NUP188: variants seen among roughly 807,000 people sequenced by gnomAD.
NUP188 encodes the protein nucleoporin 188.
A neutral mutation model predicts 223.0 loss-of-function variants in NUP188; 97 were observed. The ratio of observed to expected loss-of-function variants is 0.43; its 90% CI spans 0.37 to 0.51. The LOEUF is 0.51. Among genes scored for constraint, NUP188 ranks in the 20% least tolerant of loss-of-function variants. NUP188 has a pLI of 0.00. For missense variants in NUP188, 1,947 were observed against 2,175.6 expected (o/e 0.89, Z 2.09); for synonymous variants, 869 against 828.0 (o/e 1.05, Z -0.85).
chr9:128,989,765 G>A (rs1035183740), intron 24 of NUP188, among the ~76,000 whole-genome samples: 1 of 152,150 alleles, frequency 6.6e-6, no homozygotes, highest in Non-Finnish European at 1.5e-5. Flanking sequence ...CCTGGGAGGT[G>A]GAGGTGCAGT....
intron 12 of NUP188, among the ~76,000 whole-genome samples, chr9:128,978,287 A>G (rs1588279693): frequency 6.6e-6 from 1 of 151,886 alleles, no homozygotes; most frequent in Non-Finnish European, 1.5e-5. Flanking sequence ...AACGGTAAAA[A>G]GAGGCTGGTC....
rs753128124 is a variant in NUP188 at position 129,003,301 on chromosome 9, T to G, written c.4297-16T>G. 3.1e-6 allele frequency: 5 copies of G among 1,595,928 alleles called. No homozygotes were observed. In the South Asian group the frequency reaches 5.6e-5, roughly 18 times the overall value. On this transcript the variant is annotated splice_polypyrimidine_tract_variant and intron_variant, in intron 37 of 43. Transcript: ENST00000372577. Reference sequence around the variant, plus strand: ...CAGCCATCCCCATCTTTCCCTGATGTGTGCTTTCCTCCCAGTGCCTCAACG... The same window carrying G: ...CAGCCATCCCCATCTTTCCCTGATGGGTGCTTTCCTCCCAGTGCCTCAACG...
In NUP188 at chr9:128,984,955, C is replaced by T. The variant is rs61749218; in HGVS notation, c.2017C>T (p.Pro673Ser). 8.7e-6 allele frequency: 14 copies of T among 1,613,778 alleles called. No individual in the cohort carries two copies. Among genetic ancestry groups the T allele is most frequent in the African/African-American group, 4.0e-5 (3 of 74,864 alleles). Residue 673 changes from proline to serine, a missense_variant, in exon 20 of 44, where the codon CCT becomes TCT. By Grantham distance (74) the Pro-to-Ser change is moderately conservative (BLOSUM62 -1). Around this residue, in one of 3 missense-constraint regions of NUP188, gnomAD observed 817 missense variants for 865.8 expected, o/e 0.94. Transcript: ENST00000372577. ...YGNLLMNSEQ[P>S]QGEYGVTIAF... ...AAACCTCTTGATGAACAGTGAACAGCCTCAGGGCGAGTATGGGGTTACTAT... is the reference window on the plus strand; with the variant it reads ...AAACCTCTTGATGAACAGTGAACAGTCTCAGGGCGAGTATGGGGTTACTAT...
In NUP188 at chr9:129,006,622, A is replaced by G; in HGVS notation, c.5194A>G (p.Ser1732Gly). 1 of 1,614,114 alleles carries G rather than the reference A, an allele frequency of 6.2e-7. No homozygotes were observed. Among genetic ancestry groups the G allele is most frequent in the Non-Finnish European group, 8.5e-7 (1 of 1,180,012 alleles). ...STSLSKASPE[S>G]QEPLIQLVQA... ...CTCTCTCTCCAAAGCCAGCCCTGAG[A>G]GTCAGGAGCCTCTGATCCAGTTGGT... is the stretch of plus-strand genomic sequence containing the variant. The change falls in exon 44 of 44, where the codon AGT becomes GGT. Residue 1732 changes from serine (S) to glycine (G), a missense_variant. Physicochemically the swap from Ser to Gly is moderately conservative, Grantham distance 56. Around this residue, in one of 3 missense-constraint regions of NUP188, gnomAD observed 905 missense variants for 990.6 expected, o/e 0.91. Transcript: ENST00000372577.
At chr9:128,996,513 C>T (rs1842528611) in intron 30 of NUP188, among the ~76,000 whole-genome samples, 1 of 152,042 alleles carries the variant, frequency 6.6e-6, no homozygotes, top group South Asian at 2.1e-4. Context: ...TTCCAAGCAC[C>T]TCCTACATCT....
At chr9:128,981,660 C>T (rs1225047279) in intron 15 of NUP188, among the ~76,000 whole-genome samples, 2 of 152,184 alleles carry the variant, frequency 1.3e-5, no homozygotes, top group Non-Finnish European at 2.9e-5. Context: ...TTAATCCTGG[C>T]ATCATCACCA....
At chr9:128,989,653 G>A (rs1449258260) in intron 24 of NUP188, among the ~76,000 whole-genome samples, 2 of 151,992 alleles carry the variant, frequency 1.3e-5, no homozygotes, top group Non-Finnish European at 2.9e-5. Context: ...CCAACATGGT[G>A]AAACCCTGTC....
At chr9:128,955,098 G>C (rs530795509) in intron 3 of NUP188, among the ~76,000 whole-genome samples, 1 of 151,860 alleles carries the variant, frequency 6.6e-6, no homozygotes, top group Non-Finnish European at 1.5e-5. Flanking sequence ...TGATCCGCCC[G>C]CCTCAGCCTC....
chr9:128,988,186 G>C lies in NUP188; in HGVS notation c.2533G>C (p.Gly845Arg). Reference sequence around the variant, plus strand: ...CCTGGAACAGGCTCTCTCACAACATGGTATGTATTTCTCTTCCAGTCACAA... The same window carrying C: ...CCTGGAACAGGCTCTCTCACAACATCGTATGTATTTCTCTTCCAGTCACAA... Reference protein sequence around the residue: ...SPLEQALSQHGAHGNNLIAVL... With the variant: ...SPLEQALSQHRAHGNNLIAVL... The change falls in exon 24 of 44, where the codon GGT becomes CGT. Residue 845 changes from glycine to arginine, a missense_variant and splice_region_variant. Gly to Arg is a moderately radical substitution (Grantham distance 125). This residue lies in a region of NUP188 where 225 missense variants were observed against 319.1 expected (regional missense o/e 0.71). Transcript: ENST00000372577. 2.5e-6 allele frequency: 4 copies of C among 1,613,806 alleles called. No individual in the cohort carries two copies. The highest frequency in any genetic ancestry group is 3.4e-6 in the Non-Finnish European group (4 of 1,179,898).
intron 3 of NUP188, among the ~76,000 whole-genome samples, chr9:128,953,445 G>A (rs752627632): frequency 2.6e-5 from 4 of 152,102 alleles, no homozygotes; most frequent in Non-Finnish European, 2.9e-5. Context: ...TCTATTATGC[G>A]TTATAGTCTA....
In NUP188 at chr9:129,005,749, G is replaced by A; in HGVS notation, c.4842G>A (p.Val1614=). ...APSFGTLLAT[V]NVALNMLGEL... is the part of the protein sequence containing the mutation. ...CCTTCGGGACCCTTCTGGCCACAGT[G>A]AATGTGGCCCTCAACATGCTTGGAG... The change falls in exon 41 of 44, where the codon GTG becomes GTA. Residue 1614 remains valine, a synonymous_variant. Transcript: ENST00000372577. 1 of 1,613,720 alleles carries A rather than the reference G, an allele frequency of 6.2e-7. No individual in the cohort carries two copies. Among genetic ancestry groups the A allele is most frequent in the Non-Finnish European group, 8.5e-7 (1 of 1,179,820 alleles).
chr9:128,969,758 A>C (rs1022446312), intron 10 of NUP188, among the ~76,000 whole-genome samples: 6 of 152,024 alleles, frequency 3.9e-5, no homozygotes, highest in Admixed American at 1.3e-4. Flanking sequence ...GGTTCAAGTG[A>C]TTCTTCTGCC....
intron 5 of NUP188, 81 bp from the exon 6 acceptor site, chr9:128,957,929 G>A: frequency 2.0e-6 from 2 of 994,960 alleles, no homozygotes; most frequent in South Asian, 2.9e-5. Context: ...CTTGAAGGAT[G>A]AAGTGAAGGT....
At chr9:128,983,844 G>A (rs897670205) in intron 19 of NUP188, among the ~76,000 whole-genome samples, 2 of 151,732 alleles carry the variant, frequency 1.3e-5, no homozygotes, top group Non-Finnish European at 2.9e-5. Context: ...TTTTTGAGAT[G>A]GAGTTTCGCT....
chr9:128,995,450 C>G lies in NUP188; in HGVS notation c.3287C>G (p.Ser1096Cys), dbSNP rs758901975. 1.4e-5 allele frequency: 23 copies of G among 1,613,474 alleles called. No homozygotes were observed. The highest frequency in any genetic ancestry group is 1.9e-5 in the Non-Finnish European group (22 of 1,179,750). The change falls in exon 30 of 44, where the codon TCC becomes TGC. Residue 1096 changes from serine (S) to cysteine (C), a missense_variant. Coordinates refer to ENST00000372577, the MANE Select transcript of NUP188 (RefSeq NM_015354.3). ...VAETEGSSCT[S>C]LLEYQMLVSA... ...GAAACAGAAGGCAGCAGCTGCACCT[C>G]CTTGTTAGAGTACCAGATGCTGGTG...
At position 129,003,475 on chromosome 9, in the gene NUP188, C is replaced by T. The variant is rs776679339; in HGVS notation, c.4434+21C>T. On this transcript the variant is annotated intron_variant, in intron 38 of 43. Coordinates refer to ENST00000372577, the MANE Select transcript of NUP188 (RefSeq NM_015354.3). ...TCCAGGTGGGGGCCCAAGATGGTGTCTTGGAGTCTGGGGTAATGCTTGGAG... is the reference window on the plus strand; with the variant it reads ...TCCAGGTGGGGGCCCAAGATGGTGTTTTGGAGTCTGGGGTAATGCTTGGAG... 10 of 1,605,522 alleles carry T rather than the reference C, an allele frequency of 6.2e-6. 1 individual carries two copies. In the South Asian group the frequency reaches 1.1e-4, roughly 18 times the overall value.
At chr9:128,961,833 C>A (rs1841959550) in intron 8 of NUP188, among the ~76,000 whole-genome samples, 1 of 151,740 alleles carries the variant, frequency 6.6e-6, no homozygotes, top group East Asian at 1.9e-4. Flanking sequence ...GTTGGTCAGG[C>A]TGGTCTAGAA....
At position 128,999,456 on chromosome 9, in the gene NUP188, A is replaced by G. The variant is rs1362102191; in HGVS notation, c.3661+139A>G. The G allele has an allele frequency of 4.6e-6, 6 of 1,307,232 alleles. No individual in the cohort carries two copies. In the East Asian group the frequency reaches 1.5e-4, roughly 33 times the overall value. The allele number at this position is 1,307,232 out of a possible 1,614,324, so 81.0% of individuals were successfully genotyped here. ...CCAGTCATGGAATTCTTACCCCAAG[A>G]AAGCTATTTTTTTCCCTCATGTGTC... is the stretch of plus-strand genomic sequence containing the variant. On this transcript the variant is annotated intron_variant, in intron 33 of 43. Transcript: ENST00000372577.
intron 38 of NUP188, 53 bp from the exon 39 acceptor site, chr9:129,005,094 G>T (rs1472410803): frequency 1.4e-6 from 2 of 1,432,910 alleles, no homozygotes; most frequent in Non-Finnish European, 2.0e-6. Flanking sequence ...GTCTGGTTGG[G>T]TGACTGGGCT....
Sources: gnomAD v4.1 joint callset for allele counts (sites outside exome capture counted in the v4.1 genomes callset) on GRCh38, gnomAD v4.1.1 for gene constraint, gnomAD v4.1.1 regional missense constraint, MANE v1.5 for transcripts, NCBI Gene and HGNC (gene_info 2026-07-23, HGNC 2026-07-21) for gene names.